The following DSCAM variants were observed in gnomAD, a reference collection of about 807,000 sequenced individuals.
DSCAM encodes the protein cell adhesion molecule DSCAM.
Under a neutral mutation model 217.7 loss-of-function variants are expected in DSCAM, and 47 were observed. The ratio of observed to expected loss-of-function variants is 0.22; its 90% CI spans 0.17 to 0.28. The LOEUF (loss-of-function observed/expected upper bound fraction) is 0.28, where lower values mean the gene tolerates loss of function less well. Ranked by LOEUF, DSCAM falls within the 10% of genes least tolerant of loss-of-function variation. The pLI, the probability that DSCAM is intolerant of heterozygous loss-of-function variation, is 1.00. For missense variants in DSCAM, 2,080 were observed against 2,618.3 expected (o/e 0.79, Z 4.49); for synonymous variants, 1,056 against 1,015.3 (o/e 1.04, Z -0.76).
chr21:40,386,476 C>A (rs1171816234), intron 3 of DSCAM, among the ~76,000 whole-genome samples: 4 of 152,132 alleles, frequency 2.6e-5, no homozygotes, highest in Non-Finnish European at 5.9e-5. Flanking sequence ...CGGGCCGCTG[C>A]GGGAGAACAC....
chr21:40,090,958 A>C (rs1019824337), intron 21 of DSCAM, among the ~76,000 whole-genome samples: 13 of 152,094 alleles, frequency 8.5e-5, no homozygotes, highest in African/African-American at 2.7e-4. Flanking sequence ...AACTCATGTG[A>C]GAATTTGGGT....
intron 20 of DSCAM, among the ~76,000 whole-genome samples, chr21:40,106,945 A>G (rs1465236095): frequency 6.6e-6 from 1 of 150,452 alleles, no homozygotes; most frequent in Admixed American, 6.6e-5. Context: ...TGATCCATTG[A>G]ATGGTTTTTC....
intron 3 of DSCAM, among the ~76,000 whole-genome samples, chr21:40,594,825 A>G (rs2077009229): frequency 6.6e-6 from 1 of 152,214 alleles, no homozygotes; most frequent in Non-Finnish European, 1.5e-5. Context: ...GGGGAGGCTG[A>G]TGCCAAGACA....
chr21:40,269,396 G>A (rs1261370854), intron 11 of DSCAM, among the ~76,000 whole-genome samples: 2 of 152,142 alleles, frequency 1.3e-5, no homozygotes, highest in Admixed American at 6.5e-5. Context: ...CGTTTGATGG[G>A]TCCCGGCCAG....
At chr21:40,609,246 C>T (rs534476788) in intron 3 of DSCAM, among the ~76,000 whole-genome samples, 39 of 152,220 alleles carry the variant, frequency 2.6e-4, no homozygotes, top group Non-Finnish European at 4.8e-4. Context: ...TGAGCCACCG[C>T]GCCCAGCCTG....
intron 10 of DSCAM, among the ~76,000 whole-genome samples, chr21:40,287,320 T>A (rs1053287047): frequency 6.6e-6 from 1 of 152,248 alleles, no homozygotes; most frequent in Admixed American, 6.5e-5. Context: ...AAACTGGTGT[T>A]GGCAGAAAAT....
chr21:40,615,764 C>G (rs1303123915), intron 3 of DSCAM, among the ~76,000 whole-genome samples: 1 of 152,072 alleles, frequency 6.6e-6, no homozygotes, highest in Non-Finnish European at 1.5e-5. Flanking sequence ...GCAGAGAGCT[C>G]TATATCAACA....
intron 3 of DSCAM, among the ~76,000 whole-genome samples, chr21:40,425,787 GT>G (rs1466522232): frequency 6.7e-6 from 1 of 150,002 alleles, no homozygotes; most frequent in Non-Finnish European, 1.5e-5. Context: ...CAATCTTATA[GT>G]TTCTAATCCA....
At chr21:40,196,564 A>G (rs1470045029) in intron 11 of DSCAM, among the ~76,000 whole-genome samples, 1 of 145,362 alleles carries the variant, frequency 6.9e-6, no homozygotes, top group Non-Finnish European at 1.5e-5. Context: ...ACTAATTGCC[A>G]TTTCCCCTCC....
At chr21:40,584,119 T>C (rs1293232261) in intron 3 of DSCAM, among the ~76,000 whole-genome samples, 1 of 152,130 alleles carries the variant, frequency 6.6e-6, no homozygotes, top group Non-Finnish European at 1.5e-5. Context: ...ATATGTGCCA[T>C]GGAAAAATCC....
chr21:40,036,989 A>T lies in DSCAM; in HGVS notation c.5686+5382T>A, dbSNP rs1385468222. Reference sequence around the variant, plus strand: ...CAACCCTTCATGCTAAAAACTCTTAATAAATTAGGTATTGATGGGACGTAT... The same window carrying T: ...CAACCCTTCATGCTAAAAACTCTTATTAAATTAGGTATTGATGGGACGTAT... On this transcript the variant is annotated intron_variant, in intron 32 of 32. Transcript: ENST00000400454. 2.7e-5 allele frequency among the ~76,000 whole-genome samples: 4 copies of T among 150,822 alleles called. No individual in the cohort carries two copies. The East Asian group carries it at 7.7e-4, about 29-fold the overall frequency.
At chr21:40,173,438 TTTC>T (rs1490360435) in intron 15 of DSCAM, among the ~76,000 whole-genome samples, 2 of 152,158 alleles carry the variant, frequency 1.3e-5, no homozygotes, top group Non-Finnish European at 1.5e-5. Flanking sequence ...GGCCGATAAC[TTTC>T]TTTAGATTTA....
chr21:40,820,990 T>C (rs1601309675), intron 1 of DSCAM, among the ~76,000 whole-genome samples: 1 of 151,602 alleles, frequency 6.6e-6, no homozygotes, highest in East Asian at 1.9e-4. Context: ...GACATATATA[T>C]ATATGTATGA....
intron 8 of DSCAM, among the ~76,000 whole-genome samples, chr21:40,336,843 A>T (rs1056866178): frequency 6.6e-6 from 1 of 152,208 alleles, no homozygotes; most frequent in African/African-American, 2.4e-5. Flanking sequence ...CTCAGTGTCT[A>T]GAGTAGTGCC....
intron 3 of DSCAM, among the ~76,000 whole-genome samples, chr21:40,594,782 C>G (rs2077008955): frequency 6.6e-6 from 1 of 152,182 alleles, no homozygotes; most frequent in Admixed American, 6.5e-5. Flanking sequence ...GCAAATGGAA[C>G]AAATGATTGT....
At chr21:40,187,758 T>A in intron 13 of DSCAM, 133 bp downstream of exon 13, 1 of 826,554 alleles carries the variant, frequency 1.2e-6, no homozygotes, top group Non-Finnish European at 2.0e-6. Flanking sequence ...ACTGACATTA[T>A]ACATATTCAA....
chr21:40,375,544 C>T (rs1198143783), intron 3 of DSCAM, among the ~76,000 whole-genome samples: 1 of 152,212 alleles, frequency 6.6e-6, no homozygotes, highest in African/African-American at 2.4e-5. Flanking sequence ...AAATTTCCAG[C>T]AAAGTCACAT....
chr21:40,495,260 G>A (rs1482189354), intron 3 of DSCAM, among the ~76,000 whole-genome samples: 1 of 152,120 alleles, frequency 6.6e-6, no homozygotes, highest in African/African-American at 2.4e-5. Context: ...ACCAAAGCCA[G>A]ACAAGAACAC....
At chr21:40,367,783 G>A (rs563171273) in intron 4 of DSCAM, among the ~76,000 whole-genome samples, 2 of 152,132 alleles carry the variant, frequency 1.3e-5, no homozygotes, top group East Asian at 3.9e-4. Context: ...CTACTTTTCG[G>A]CAGGTGGCTT....
Sources: allele counts gnomAD v4.1 joint callset (sites outside exome capture counted in the v4.1 genomes callset), GRCh38; gene constraint gnomAD v4.1.1; transcripts MANE v1.5; gene names NCBI Gene and HGNC (gene_info 2026-07-23, HGNC 2026-07-21).